The following ADAM29 variants were observed in gnomAD, a reference collection of about 807,000 sequenced individuals.
ADAM29 encodes ADAM metallopeptidase domain 29, also known as disintegrin and metalloproteinase domain-containing protein 29.
For synonymous variants in ADAM29, 367 were observed against 342.3 expected, an observed-to-expected ratio of 1.07 and a Z score of -0.80; for missense variants, 969 against 1,001.8, an observed-to-expected ratio of 0.97 and a Z score of 0.44.
At chr4:174,925,121 G>T (rs1743427605) in intron 2 of ADAM29, among the ~76,000 whole-genome samples, 1 of 152,098 alleles carries the variant, frequency 6.6e-6, no homozygotes, top group African/African-American at 2.4e-5. Context: ...CAAGGAAAGG[G>T]CAAAACTGCA....
chr4:174,977,584 T>G lies in ADAM29; in HGVS notation c.2059T>G (p.Leu687Val), dbSNP rs1174067472. Residue 687 changes from leucine to valine, a missense_variant, in exon 5 of 5, where the codon TTG becomes GTG. Leu to Val is a conservative substitution (Grantham distance 32, BLOSUM62 1). Coordinates refer to ENST00000359240, the MANE Select transcript of ADAM29 (RefSeq NM_014269.4). ...CYLCILLLIVLFILLCCLYRL... is the reference protein window; with the variant it reads ...CYLCILLLIVVFILLCCLYRL... ...TCTGTGTATATTGTTGCTTATTGTT[T>G]TGTTTATTTTATTATGTTGTCTTTA... 4 of 1,613,482 alleles carry G rather than the reference T, an allele frequency of 2.5e-6. No homozygotes were observed. Among genetic ancestry groups the G allele is most frequent in the African/African-American group, 2.7e-5 (2 of 74,870 alleles).
chr4:174,925,391 C>A (rs1055726353), intron 2 of ADAM29, among the ~76,000 whole-genome samples: 2 of 151,520 alleles, frequency 1.3e-5, no homozygotes, highest in African/African-American at 2.4e-5. Flanking sequence ...TAAATTAAAA[C>A]GGTTTTAAAA....
Position 174,971,415 on chromosome 4 carries a change from C to T in ADAM29, c.-180-3931C>T, listed in dbSNP as rs145640420. ...CAGGTAATATACTATTGGTGATGATCTCTCTCAGATTTTGTTTATTTTAAG... is the reference window on the plus strand; with the variant it reads ...CAGGTAATATACTATTGGTGATGATTTCTCTCAGATTTTGTTTATTTTAAG... On this transcript the variant is annotated intron_variant, in intron 4 of 4. Transcript: ENST00000359240. Among the ~76,000 whole-genome samples the T allele has an allele frequency of 6.5e-3, 963 of 148,492 alleles. 9 individuals carry two copies. The highest frequency in any genetic ancestry group is 0.022 in the African/African-American group (911 of 41,310).
intron 3 of ADAM29, among the ~76,000 whole-genome samples, chr4:174,931,696 A>C (rs1440048581): frequency 2.0e-5 from 3 of 152,304 alleles, no homozygotes; most frequent in Admixed American, 1.3e-4. Flanking sequence ...TTACACTGAG[A>C]ATACCTTAAA....
chr4:174,953,737 G>T (rs1434777352), intron 4 of ADAM29, among the ~76,000 whole-genome samples: 1 of 152,050 alleles, frequency 6.6e-6, no homozygotes, highest in Non-Finnish European at 1.5e-5. Flanking sequence ...CTGAGATGGG[G>T]TCTTGCTCTG....
In ADAM29 at chr4:174,977,819, C is replaced by T. The variant is rs2111131345; in HGVS notation, c.2294C>T (p.Pro765Leu). The T allele has an allele frequency of 6.3e-7, 1 of 1,586,854 alleles. No individual in the cohort carries two copies. Among genetic ancestry groups the T allele is most frequent in the Non-Finnish European group, 8.6e-7 (1 of 1,162,402 alleles). ...TCCCAGAGTCAACCTCCTGTGACACCCTCCCAGAGTCAACCTCGGGTGATG... is the reference window on the plus strand; with the variant it reads ...TCCCAGAGTCAACCTCCTGTGACACTCTCCCAGAGTCAACCTCGGGTGATG... The part of the protein sequence containing the change: ...MPSQSQPPVT[P>L]SQSQPRVMPS... The change falls in exon 5 of 5, where the codon CCC becomes CTC. Residue 765 changes from proline (P) to leucine (L), a missense_variant. Coordinates refer to ENST00000359240, the MANE Select transcript of ADAM29 (RefSeq NM_014269.4).
chr4:174,942,622 C>T (rs1365913092), intron 4 of ADAM29, among the ~76,000 whole-genome samples: 2 of 152,106 alleles, frequency 1.3e-5, no homozygotes, highest in Non-Finnish European at 2.9e-5. Context: ...AGCAGTTGGG[C>T]CCTGAGTCTG....
Position 174,975,718 on chromosome 4 carries a change from A to T in ADAM29, c.193A>T (p.Ile65Phe), listed in dbSNP as rs61753553. The part of the protein sequence containing the change: ...ILPFGGQKHI[I>F]HIKVKKLLFS... The stretch of plus-strand genomic sequence containing the variant: ...GCCCTTTGGAGGCCAGAAACACATT[A>T]TCCACATAAAGGTCAAGAAGCTTTT... Residue 65 changes from isoleucine to phenylalanine, a missense_variant, in exon 5 of 5, where the codon ATC becomes TTC. Ile to Phe is a conservative substitution (Grantham distance 21, BLOSUM62 0). Coordinates refer to ENST00000359240, the MANE Select transcript of ADAM29 (RefSeq NM_014269.4). The T allele has an allele frequency of 1.0e-3, 1,653 of 1,611,932 alleles. 3 individuals are homozygous for T. The highest frequency in any genetic ancestry group is 1.1e-3 in the Non-Finnish European group (1,342 of 1,179,108).
At chr4:174,942,864 C>T (rs1744619792) in intron 4 of ADAM29, among the ~76,000 whole-genome samples, 1 of 152,202 alleles carries the variant, frequency 6.6e-6, no homozygotes, top group Admixed American at 6.5e-5. Context: ...CTTTTACACT[C>T]TGCTTCCCTT....
Position 174,977,444 on chromosome 4 carries a change from A to G in ADAM29, c.1919A>G (p.His640Arg). 6.2e-7 allele frequency: 1 copy of G among 1,613,918 alleles called. No individual in the cohort carries two copies. Among genetic ancestry groups the G allele is most frequent in the Non-Finnish European group, 8.5e-7 (1 of 1,179,918 alleles). The part of the protein sequence containing the change: ...CNKRGICNNK[H>R]HCHCNYLWDP... ...AAGAGGGGCATCTGCAACAATAAAC[A>G]TCACTGCCATTGCAATTATCTGTGG... The change falls in exon 5 of 5, where the codon CAT becomes CGT. Residue 640 changes from histidine to arginine, a missense_variant. His to Arg is a conservative substitution (Grantham distance 29). Coordinates refer to ENST00000359240, the MANE Select transcript of ADAM29 (RefSeq NM_014269.4).
chr4:174,933,447 C>G (rs1744020128), intron 3 of ADAM29, among the ~76,000 whole-genome samples: 1 of 151,898 alleles, frequency 6.6e-6, no homozygotes, highest in Non-Finnish European at 1.5e-5. Context: ...ATAGAAAAGT[C>G]AAGAAGTTAC....
In ADAM29 at chr4:174,954,513, C is replaced by G. The variant is rs572303110; in HGVS notation, c.-181+17500C>G. Among the ~76,000 whole-genome samples, 9 of 152,306 alleles carry G rather than the reference C, an allele frequency of 5.9e-5. No individual in the cohort carries two copies. In the South Asian group the frequency reaches 1.9e-3, roughly 32 times the overall value. Reference sequence around the variant, plus strand: ...ATGACCACCGAATCTGTTTAATTATCCATAAGCCAGAAACATGGGCTTATA... The same window carrying G: ...ATGACCACCGAATCTGTTTAATTATGCATAAGCCAGAAACATGGGCTTATA... On this transcript the variant is annotated intron_variant, in intron 4 of 4. Transcript: ENST00000359240.
intron 4 of ADAM29, among the ~76,000 whole-genome samples, chr4:174,970,587 A>G (rs906985788): frequency 3.9e-5 from 6 of 152,194 alleles, no homozygotes; most frequent in African/African-American, 1.4e-4. Flanking sequence ...GTTTTGGCCA[A>G]TGAAACTCAT....
intron 4 of ADAM29, among the ~76,000 whole-genome samples, chr4:174,959,457 CTGTG>C (rs34184384): frequency 0.032 from 4,685 of 145,648 alleles, 108 homozygotes; most frequent in Non-Finnish European, 0.035. Flanking sequence ...ATGAGAAAGA[CTGTG>C]TGTGTGTGTG....
intron 4 of ADAM29, among the ~76,000 whole-genome samples, chr4:174,956,305 T>A (rs1286463208): frequency 6.6e-6 from 1 of 152,010 alleles, no homozygotes; most frequent in African/African-American, 2.4e-5. Context: ...TTCCATTCAA[T>A]AATCAATTTA....
chr4:174,932,722 A>T (rs996450211), intron 3 of ADAM29, among the ~76,000 whole-genome samples: 1 of 152,192 alleles, frequency 6.6e-6, no homozygotes, highest in African/African-American at 2.4e-5. Flanking sequence ...CCTTTGTCCA[A>T]ACTAAATGAA....
intron 4 of ADAM29, among the ~76,000 whole-genome samples, chr4:174,973,256 A>G (rs2111107480): frequency 6.6e-6 from 1 of 152,272 alleles, no homozygotes; most frequent in East Asian, 1.9e-4. Flanking sequence ...GCCCCTTTAA[A>G]AATTTTGGAG....
At position 174,956,111 on chromosome 4, in the gene ADAM29, T is replaced by C. The variant is rs911188392; in HGVS notation, c.-181+19098T>C. ...TAAAATAGCTTTACCATTCTCTTCA[T>C]TATCCCTTTGGTACTTGAAGTCATA... On this transcript the variant is annotated intron_variant, in intron 4 of 4. Coordinates refer to ENST00000359240, the MANE Select transcript of ADAM29 (RefSeq NM_014269.4). Among the ~76,000 whole-genome samples, 8 of 152,082 alleles carry C rather than the reference T, an allele frequency of 5.3e-5. 1 individual carries two copies. The highest frequency in any genetic ancestry group is 6.6e-5 in the Admixed American group (1 of 15,266).
intron 4 of ADAM29, among the ~76,000 whole-genome samples, chr4:174,968,003 T>G (rs1325292638): frequency 6.6e-6 from 1 of 152,188 alleles, no homozygotes; most frequent in Non-Finnish European, 1.5e-5. Flanking sequence ...AACTGAATTA[T>G]TTTGTTCATT....
Sources: allele counts gnomAD v4.1 joint callset (sites outside exome capture counted in the v4.1 genomes callset), GRCh38; gene constraint gnomAD v4.1.1; transcripts MANE v1.5; gene names NCBI Gene and HGNC (gene_info 2026-07-23, HGNC 2026-07-21).